DRC11: variants seen among roughly 807,000 people sequenced by gnomAD.
DRC11 encodes the protein IQ and AAA domain-containing protein 1.
the DRC11 span, among the ~76,000 whole-genome samples, chr2:236,371,054 TG>T: frequency 6.6e-6 from 1 of 152,192 alleles, no homozygotes. The surrounding 1 kb of genome is among the most constrained non-coding windows in gnomAD (Gnocchi z 5.1). Context: ...CTGAGCACGC[TG>T]GATCTGTGCA....
the DRC11 span, among the ~76,000 whole-genome samples, chr2:236,424,465 T>G: frequency 6.6e-6 from 1 of 152,160 alleles, no homozygotes; most frequent in Non-Finnish European, 1.5e-5. Flanking sequence ...CAGTGAAAGG[T>G]TTCCTCCCCA....
the DRC11 span, among the ~76,000 whole-genome samples, chr2:236,420,409 C>T: frequency 6.6e-6 from 1 of 152,162 alleles, no homozygotes; most frequent in South Asian, 2.1e-4. This position sits in a 1 kb window ranked among gnomAD's most constrained non-coding sequence, Gnocchi z 4.8. Context: ...CAGGTACATA[C>T]ACATGTAGTC....
chr2:236,423,693 A>G, the DRC11 span, among the ~76,000 whole-genome samples: 2 of 152,324 alleles, frequency 1.3e-5, no homozygotes, highest in South Asian at 2.1e-4. Context: ...CAGCCATCCC[A>G]TTACTGGGTA....
At chr2:236,483,514 G>C in the DRC11 span, among the ~76,000 whole-genome samples, 5 of 152,272 alleles carry the variant, frequency 3.3e-5, no homozygotes, top group South Asian at 1.0e-3. This position sits in a 1 kb window ranked among gnomAD's most constrained non-coding sequence, Gnocchi z 4.8. Context: ...CAGTAAGCTT[G>C]GATATCACAA....
At chr2:236,441,380 CT>C in the DRC11 span, among the ~76,000 whole-genome samples, 1,861 of 144,316 alleles carry the variant, frequency 0.013, 36 homozygotes, top group African/African-American at 0.038. Context: ...TTTTTTCCTC[CT>C]TTTTTTTTTT....
the DRC11 span, chr2:236,408,440 C>G: frequency 1.7e-4 from 128 of 740,720 alleles, 1 homozygote; most frequent in Middle Eastern, 3.9e-3. The surrounding 1 kb of genome is among the most constrained non-coding windows in gnomAD (Gnocchi z 5.5). Flanking sequence ...TCATCCTGCC[C>G]AAACACTTGG....
chr2:236,412,217 G>T, the DRC11 span, among the ~76,000 whole-genome samples: 2 of 152,092 alleles, frequency 1.3e-5, no homozygotes, highest in African/African-American at 4.8e-5. Context: ...TCATGGCAGA[G>T]GGACTCAGGA....
the DRC11 span, among the ~76,000 whole-genome samples, chr2:236,360,508 G>C: frequency 6.6e-6 from 1 of 152,150 alleles, no homozygotes; most frequent in South Asian, 2.1e-4. This position sits in a 1 kb window ranked among gnomAD's most constrained non-coding sequence, Gnocchi z 5.8. Flanking sequence ...AACAAATGCA[G>C]GTGTTCTTTT....
At chr2:236,358,186 GAATATAT>G in the DRC11 span, among the ~76,000 whole-genome samples, 1 of 114,754 alleles carries the variant, frequency 8.7e-6, no homozygotes, top group African/African-American at 3.5e-5. Flanking sequence ...TATACTCTAT[GAATATAT>G]AATATATATA....
chr2:236,493,814 A>G, the DRC11 span: 7 of 1,608,356 alleles, frequency 4.4e-6, no homozygotes, highest in Non-Finnish European at 5.9e-6. Flanking sequence ...TTGAGCAAGA[A>G]TTTTCTCTCT....
chr2:236,404,351 C>G, the DRC11 span, among the ~76,000 whole-genome samples: 1 of 150,270 alleles, frequency 6.7e-6, no homozygotes, highest in Non-Finnish European at 1.5e-5. Context: ...GCCATAGATT[C>G]ATTGAAGTTG....
the DRC11 span, among the ~76,000 whole-genome samples, chr2:236,435,429 C>T: frequency 1.3e-5 from 2 of 152,244 alleles, no homozygotes; most frequent in Non-Finnish European, 2.9e-5. Flanking sequence ...TATGGCTTCT[C>T]TGATGCCGGT....
At chr2:236,484,834 T>C in the DRC11 span, among the ~76,000 whole-genome samples, 1 of 152,220 alleles carries the variant, frequency 6.6e-6, no homozygotes, top group Non-Finnish European at 1.5e-5. Context: ...TTATGGGCAC[T>C]GTGCTGTAGG....
At chr2:236,368,219 G>A in the DRC11 span, 7 of 1,610,084 alleles carry the variant, frequency 4.3e-6, no homozygotes, top group Non-Finnish European at 5.9e-6. Context: ...CGTACAATGT[G>A]ATGAGCTGTC....
the DRC11 span, among the ~76,000 whole-genome samples, chr2:236,360,364 CTGAG>C: frequency 2.0e-5 from 3 of 152,120 alleles, no homozygotes; most frequent in Admixed American, 6.5e-5. The surrounding 1 kb of genome is among the most constrained non-coding windows in gnomAD (Gnocchi z 5.8). Flanking sequence ...GTTGTAAGGA[CTGAG>C]TGAGTTAATA....
At chr2:236,430,198 AAC>A in the DRC11 span, among the ~76,000 whole-genome samples, 27,878 of 148,548 alleles carry the variant, frequency 0.19, 2,705 homozygotes, top group Middle Eastern at 0.28. This position sits in a 1 kb window ranked among gnomAD's most constrained non-coding sequence, Gnocchi z 6.0. Context: ...ATATACATAT[AAC>A]ACACACACAC....
the DRC11 span, among the ~76,000 whole-genome samples, chr2:236,352,969 C>A: frequency 6.6e-6 from 1 of 152,116 alleles, no homozygotes; most frequent in African/African-American, 2.4e-5. The surrounding 1 kb of genome is among the most constrained non-coding windows in gnomAD (Gnocchi z 7.0). Flanking sequence ...CACTGCCCCC[C>A]CAGGGGTTCC....
the DRC11 span, among the ~76,000 whole-genome samples, chr2:236,477,279 A>T: frequency 6.6e-6 from 1 of 152,242 alleles, no homozygotes; most frequent in East Asian, 1.9e-4. Context: ...CCATTAACAC[A>T]TATTTTATAT....
At chr2:236,464,129 T>C in the DRC11 span, among the ~76,000 whole-genome samples, 534 of 152,306 alleles carry the variant, frequency 3.5e-3, 4 homozygotes, top group Non-Finnish European at 3.3e-3. Flanking sequence ...TGATATCCCA[T>C]CACTCTAGCC....
Sources: gnomAD v4.1 joint callset for allele counts (sites outside exome capture counted in the v4.1 genomes callset) on GRCh38, gnomAD v4.1.1 for gene constraint, Gnocchi (gnomAD v3.1) non-coding constraint, MANE v1.5 for transcripts, NCBI Gene and HGNC (gene_info 2026-07-23, HGNC 2026-07-21) for gene names.